Variants in AK5 observed in about 807,000 individuals in gnomAD.
AK5 encodes the protein adenylate kinase 5, also known as adenylate kinase isoenzyme 5.
AK5 carries 27 observed loss-of-function variants against 69.5 expected under a neutral mutation model. That is an observed-to-expected ratio of 0.39 (90% CI 0.29 to 0.54). The LOEUF (loss-of-function observed/expected upper bound fraction) is 0.54, where lower values mean the gene tolerates loss of function less well. AK5 is among the 20% of genes least tolerant of loss of function. The pLI is 0.71. For synonymous variants in AK5, 260 were observed against 244.4 expected (o/e 1.06, Z -0.60); for missense variants, 531 against 700.4 (o/e 0.76, Z 2.73).
At chr1:77,404,911 T>C (rs1411580638) in intron 6 of AK5, among the ~76,000 whole-genome samples, 3 of 152,230 alleles carry the variant, frequency 2.0e-5, no homozygotes, top group Non-Finnish European at 4.4e-5. Context: ...CCTCTTGAAT[T>C]GGACAATCAG....
intron 5 of AK5, among the ~76,000 whole-genome samples, chr1:77,336,230 C>T (rs1021115252): frequency 7.2e-5 from 11 of 151,846 alleles, no homozygotes; most frequent in African/African-American, 1.5e-4. Context: ...TACAGGCATG[C>T]GCCACCACGC....
chr1:77,535,310 A>T (rs1658897943), intron 12 of AK5, among the ~76,000 whole-genome samples: 1 of 152,202 alleles, frequency 6.6e-6, no homozygotes, highest in South Asian at 2.1e-4. Flanking sequence ...TAACGAATTG[A>T]TGAAGCCCAT....
intron 13 of AK5, among the ~76,000 whole-genome samples, chr1:77,538,475 G>C (rs547329810): frequency 6.6e-6 from 1 of 151,440 alleles, no homozygotes; most frequent in African/African-American, 2.4e-5. Context: ...CACCTTTTGA[G>C]CAGCCTGGAA....
chr1:77,304,403 T>C (rs1659517903), intron 5 of AK5, among the ~76,000 whole-genome samples: 3 of 57,210 alleles, frequency 5.2e-5, no homozygotes, highest in African/African-American at 2.6e-4. Context: ...ATATTTTCTT[T>C]TCTTTTCTTT....
At chr1:77,365,967 A>G (rs1470898) in intron 6 of AK5, among the ~76,000 whole-genome samples, 112,602 of 152,044 alleles carry the variant, frequency 0.74, 42,141 homozygotes, top group East Asian at 0.82. Flanking sequence ...CTGCTTGGGC[A>G]ATGGGTGCAC....
At chr1:77,491,137 T>C (rs972876825) in intron 10 of AK5, among the ~76,000 whole-genome samples, 1 of 152,160 alleles carries the variant, frequency 6.6e-6, no homozygotes, top group Non-Finnish European at 1.5e-5. Flanking sequence ...TTTATGTTAA[T>C]TTGTGCATTT....
chr1:77,491,736 T>C (rs1470654327), intron 10 of AK5, among the ~76,000 whole-genome samples: 5 of 152,224 alleles, frequency 3.3e-5, no homozygotes, highest in Admixed American at 6.5e-5. Context: ...GTAATAGCAG[T>C]CAACATTTAT....
chr1:77,397,940 T>C (rs1648940966), intron 6 of AK5, among the ~76,000 whole-genome samples: 1 of 152,158 alleles, frequency 6.6e-6, no homozygotes, highest in African/African-American at 2.4e-5. Context: ...AAAATCCAAA[T>C]GCTTTTTCTA....
intron 8 of AK5, among the ~76,000 whole-genome samples, chr1:77,429,725 C>T (rs2647521): frequency 0.91 from 139,076 of 152,112 alleles, 63,673 homozygotes; most frequent in East Asian, 0.97. Context: ...TCCAAAAGTG[C>T]TGGGATTACA....
intron 10 of AK5, among the ~76,000 whole-genome samples, chr1:77,494,783 A>G (rs1424958142): frequency 2.6e-5 from 4 of 151,314 alleles, no homozygotes; most frequent in African/African-American, 9.7e-5. Flanking sequence ...CATATGCAGT[A>G]TCTTTTTTTT....
intron 6 of AK5, among the ~76,000 whole-genome samples, chr1:77,406,130 A>G (rs1438166957): frequency 6.6e-6 from 1 of 152,210 alleles, no homozygotes; most frequent in African/African-American, 2.4e-5. Context: ...AAAGAAAAAC[A>G]GCCAGCATAT....
intron 13 of AK5, among the ~76,000 whole-genome samples, chr1:77,544,990 A>G (rs1659469422): frequency 6.6e-6 from 1 of 152,222 alleles, no homozygotes; most frequent in Admixed American, 6.5e-5. Context: ...GCGCTGTGAC[A>G]TTGTGATGGC....
intron 5 of AK5, among the ~76,000 whole-genome samples, chr1:77,327,026 A>C (rs2100341923): frequency 6.6e-6 from 1 of 152,314 alleles, no homozygotes; most frequent in East Asian, 1.9e-4. Flanking sequence ...TCATTCCTAT[A>C]GTCAATATCA....
chr1:77,433,914 AT>A (rs953245040), intron 8 of AK5, among the ~76,000 whole-genome samples: 2 of 151,356 alleles, frequency 1.3e-5, no homozygotes, highest in Non-Finnish European at 3.0e-5. Flanking sequence ...ATTTTTATTT[AT>A]TTTATTATCT....
intron 8 of AK5, among the ~76,000 whole-genome samples, chr1:77,424,156 A>C (rs562756174): frequency 2.6e-4 from 39 of 152,374 alleles, no homozygotes; most frequent in Non-Finnish European, 4.1e-4. Context: ...CCATCTGTCA[A>C]GGAAAAATTA....
intron 10 of AK5, among the ~76,000 whole-genome samples, chr1:77,505,636 G>A (rs1467216585): frequency 6.6e-6 from 1 of 152,012 alleles, no homozygotes; most frequent in Non-Finnish European, 1.5e-5. Context: ...AGAGACCGAG[G>A]CAAGTGGATA....
intron 3 of AK5, among the ~76,000 whole-genome samples, chr1:77,296,095 C>A (rs562812116): frequency 1.3e-5 from 2 of 152,236 alleles, no homozygotes; most frequent in Admixed American, 1.3e-4. Flanking sequence ...AGAATTGGGA[C>A]AATTTTATGA....
rs35490046 is a variant in AK5 at position 77,484,159 on chromosome 1, CAA to C, written c.1102+815_1102+816del. On this transcript the variant is annotated intron_variant, in intron 9 of 13. Coordinates refer to ENST00000354567, the MANE Select transcript of AK5 (RefSeq NM_174858.3). ...TTGGCGACAGAGTGAGACTACGTCTCAAAAAAAAAAAAAAAAGTCTTGCAAAA... is the reference window on the plus strand; with the variant it reads ...TTGGCGACAGAGTGAGACTACGTCTCAAAAAAAAAAAAAAGTCTTGCAAAA... Among the ~76,000 whole-genome samples, 313 of 123,218 alleles carry C rather than the reference CAA, an allele frequency of 2.5e-3. 1 individual carries two copies. Among genetic ancestry groups the C allele is most frequent in the African/African-American group, 6.8e-3 (212 of 31,262 alleles). 80.8% of individuals were successfully genotyped at this position (123,218 alleles called of 152,430 possible).
chr1:77,542,559 G>C (rs1453805586), intron 13 of AK5, among the ~76,000 whole-genome samples: 1 of 152,144 alleles, frequency 6.6e-6, no homozygotes. Context: ...GTTGTGAGCT[G>C]AGAGAAACCA....
Sources: allele counts gnomAD v4.1 joint callset (sites outside exome capture counted in the v4.1 genomes callset), GRCh38; gene constraint gnomAD v4.1.1; transcripts MANE v1.5; gene names NCBI Gene and HGNC (gene_info 2026-07-23, HGNC 2026-07-21).